The following ABHD5 variants were observed in gnomAD, a reference collection of about 807,000 sequenced individuals.
The protein encoded by ABHD5 is abhydrolase domain containing 5, lysophosphatidic acid acyltransferase.
A neutral mutation model predicts 44.9 loss-of-function variants in ABHD5; 30 were observed. That is an observed-to-expected ratio of 0.67 (90% CI 0.50 to 0.91). The LOEUF (loss-of-function observed/expected upper bound fraction) is 0.91, where lower values mean the gene tolerates loss of function less well. ABHD5 is among the 40% of genes least tolerant of loss of function. The probability of loss-of-function intolerance (pLI) is 0.00; values close to 1 mark genes in which losing one functional copy is unlikely to be tolerated. For synonymous variants in ABHD5, 167 were observed against 147.0 expected, an observed-to-expected ratio of 1.14 and a Z score of -0.99; for missense variants, 399 against 423.4, an observed-to-expected ratio of 0.94 and a Z score of 0.50.
chr3:43,707,148 G>C (rs2084631125), intron 3 of ABHD5, among the ~76,000 whole-genome samples: 1 of 151,998 alleles, frequency 6.6e-6, no homozygotes, highest in South Asian at 2.1e-4. Context: ...GGCCCCTGCT[G>C]CTCAGTACCC....
intron 7 of ABHD5, among the ~76,000 whole-genome samples, chr3:43,732,925 T>A (rs1331548581): frequency 6.6e-6 from 1 of 152,168 alleles, no homozygotes. Context: ...AGCTGATGGA[T>A]TGAGGGCCGT....
intron 3 of ABHD5, among the ~76,000 whole-genome samples, chr3:43,707,087 G>A (rs1033714968): frequency 4.6e-5 from 7 of 152,060 alleles, no homozygotes; most frequent in African/African-American, 7.2e-5. Flanking sequence ...GATTACAGGC[G>A]TGAGCCACTG....
At position 43,721,899 on chromosome 3, in the gene ABHD5, A is replaced by C. The variant is rs1045042596; in HGVS notation, c.*3367A>C. The C allele has an allele frequency of 6.6e-6, 1 of 152,228 alleles. No homozygotes were observed. The highest frequency in any genetic ancestry group is 2.1e-4 in the South Asian group (1 of 4,836). 9.4% of individuals were successfully genotyped at this position (152,228 alleles called of 1,614,324 possible). ...TGCATAAAAAGACAAATGCAAAATA[A>C]AATAAAATAATGGAAATACCTTTCT... On this transcript the variant is annotated 3_prime_UTR_variant, in exon 7 of 7. Transcript: ENST00000644371.
chr3:43,730,786 A>G (rs1389104436), intron 7 of ABHD5, among the ~76,000 whole-genome samples: 1 of 152,096 alleles, frequency 6.6e-6, no homozygotes, highest in African/African-American at 2.4e-5. Context: ...GATTGCAGGC[A>G]TGAGCCACTG....
rs138400599 is a variant in ABHD5, at chr3:43,691,003, A to C, written c.11A>C (p.Glu4Ala). Residue 4 changes from glutamate (E) to alanine (A), a missense_variant, in exon 1 of 7, where the codon GAG becomes GCG. Glu to Ala is a moderately radical substitution (Grantham distance 107). Coordinates refer to ENST00000644371, the MANE Select transcript of ABHD5 (RefSeq NM_016006.6). MAA[E>A]EEEVDSADTG... is the part of the protein sequence containing the mutation. ...TGCGCGGCGGCGGCTATGGCGGCGG[A>C]GGAGGAGGAGGTGGACTCTGCCGAC... 2.1e-4 allele frequency: 327 copies of C among 1,561,020 alleles called. No homozygotes were observed. In the African/African-American group the frequency reaches 2.7e-3, roughly 13 times the overall value.
chr3:43,730,888 G>A (rs894722459), intron 7 of ABHD5, among the ~76,000 whole-genome samples: 3 of 151,806 alleles, frequency 2.0e-5, no homozygotes, highest in Non-Finnish European at 2.9e-5. Flanking sequence ...GAGTGCAGTG[G>A]AGCAATCTTG....
chr3:43,719,094 GATCACTATC>G lies in ABHD5; in HGVS notation c.*565_*573del, dbSNP rs2084804212. 2 of 156,912 alleles carry G rather than the reference GATCACTATC, an allele frequency of 1.3e-5. No homozygotes were observed. Among genetic ancestry groups the G allele is most frequent in the African/African-American group, 4.8e-5 (2 of 41,468 alleles). 9.7% of individuals were successfully genotyped at this position (156,912 alleles called of 1,614,324 possible). ...GATTTTTGGTTAGAGGACGGGAGTTGATCACTATCATTACTTTTTCTAGTTTACCTGTTT... is the reference window on the plus strand; with the variant it reads ...GATTTTTGGTTAGAGGACGGGAGTTGATTACTTTTTCTAGTTTACCTGTTT... On this transcript the variant is annotated 3_prime_UTR_variant, in exon 7 of 7. Coordinates refer to ENST00000644371, the MANE Select transcript of ABHD5 (RefSeq NM_016006.6).
chr3:43,732,203 G>T (rs1309981096), intron 7 of ABHD5, among the ~76,000 whole-genome samples: 1 of 152,140 alleles, frequency 6.6e-6, no homozygotes, highest in African/African-American at 2.4e-5. Flanking sequence ...GGCCGAGGTG[G>T]GTGGATAACT....
rs1419462889 is a variant in ABHD5 at position 43,702,413 on chromosome 3, G to A, written c.332G>A (p.Gly111Asp). The A allele has an allele frequency of 8.1e-6, 13 of 1,614,084 alleles. No individual in the cohort carries two copies. Among genetic ancestry groups the A allele is most frequent in the East Asian group, 2.2e-5 (1 of 44,888 alleles). ...CCTGTCTATGCTTTTGACCTATTGG[G>A]TTTTGGACGAAGTAGTAGACCCAGG... ...NRPVYAFDLLGFGRSSRPRFD... is the reference protein window; with the variant it reads ...NRPVYAFDLLDFGRSSRPRFD... Residue 111 changes from glycine to aspartate, a missense_variant, in exon 3 of 7, where the codon GGT (glycine) becomes GAT (aspartate). Gly to Asp is a moderately conservative substitution (Grantham distance 94). Transcript: ENST00000644371.
intron 7 of ABHD5, among the ~76,000 whole-genome samples, chr3:43,730,454 T>G (rs983925081): frequency 2.6e-5 from 4 of 152,000 alleles, no homozygotes; most frequent in Non-Finnish European, 5.9e-5. Flanking sequence ...AAAGAGAGAC[T>G]TTAAGGTTTT....
At chr3:43,701,260 C>T (rs550600877) in intron 2 of ABHD5, among the ~76,000 whole-genome samples, 1 of 152,280 alleles carries the variant, frequency 6.6e-6, no homozygotes, top group South Asian at 2.1e-4. Flanking sequence ...AGTGGTATTT[C>T]CCCCAACTTG....
chr3:43,699,012 C>T (rs1336886813), intron 1 of ABHD5, among the ~76,000 whole-genome samples: 1 of 152,094 alleles, frequency 6.6e-6, no homozygotes, highest in Non-Finnish European at 1.5e-5. Flanking sequence ...CCATTTTATC[C>T]TCTTTTTGCT....
At chr3:43,717,981 C>A (rs1052660707) in intron 6 of ABHD5, 124 bp downstream of exon 6, 1 of 1,260,462 alleles carries the variant, frequency 7.9e-7, no homozygotes, top group Non-Finnish European at 1.1e-6. Context: ...CAGCCTCAGT[C>A]GGGGACGTGA....
chr3:43,723,627 A>G (rs530140310), downstream of ABHD5, among the ~76,000 whole-genome samples: 7 of 152,346 alleles, frequency 4.6e-5, no homozygotes, highest in Non-Finnish European at 8.8e-5. Context: ...AATCTAATCA[A>G]GCCTCTACAT....
rs900560274 is a variant in ABHD5, at chr3:43,730,105, G to A, written c.*30-3775G>A. Among the ~76,000 whole-genome samples the A allele has an allele frequency of 5.6e-4, 85 of 152,320 alleles. 1 individual carries two copies. The highest frequency in any genetic ancestry group is 1.0e-3 in the Admixed American group (16 of 15,298). On this transcript the variant is annotated intron_variant, in intron 7 of 7. Transcript: ENST00000454293. ...ACACTTATTGCATGCTTTGAGCTTT[G>A]CAACAATCTTTCATTTAATCCTTCT...
At chr3:43,703,696 T>G (rs930984451) in intron 3 of ABHD5, among the ~76,000 whole-genome samples, 12 of 152,190 alleles carry the variant, frequency 7.9e-5, no homozygotes, top group African/African-American at 2.9e-4. Flanking sequence ...ATTTTGACTT[T>G]GAGGTCCGTG....
In ABHD5 at chr3:43,717,737, A is replaced by C. The variant is rs753292128; in HGVS notation, c.840A>C (p.Arg280=). 6.2e-7 allele frequency: 1 copy of C among 1,614,214 alleles called. No individual in the cohort carries two copies. The part of the protein sequence containing the change: ...YGWAKRPMLQ[R]IGKMHPDIPV... ...GGGCAAAAAGGCCAATGCTCCAGCG[A>C]ATTGGTAAAATGCACCCTGACATTC... Residue 280 remains arginine (R), a synonymous_variant, in exon 6 of 7, where the codon CGA becomes CGC. Transcript: ENST00000644371.
chr3:43,732,947 G>C lies in ABHD5; in HGVS notation c.*30-933G>C, dbSNP rs141853936. 3.7e-3 allele frequency among the ~76,000 whole-genome samples: 560 copies of C among 152,302 alleles called. 3 individuals carry two copies. Among genetic ancestry groups the C allele is most frequent in the Non-Finnish European group, 6.6e-3 (448 of 68,028 alleles). ...GGATTGAGGGCCGTAGTTGGTAGCT[G>C]TCCATCTGCTGAAGGCCACCTTCAG... On this transcript the variant is annotated intron_variant, in intron 7 of 7. Transcript: ENST00000454293.
intron 6 of ABHD5, 32 bp downstream of exon 6, chr3:43,717,889 T>C: frequency 1.2e-6 from 2 of 1,613,536 alleles, no homozygotes; most frequent in African/African-American, 1.3e-5. Context: ...GGTTTTTAGG[T>C]ATAGGTGAGG....
Sources: allele counts gnomAD v4.1 joint callset (sites outside exome capture counted in the v4.1 genomes callset), GRCh38; gene constraint gnomAD v4.1.1; transcripts MANE v1.5; gene names NCBI Gene and HGNC (gene_info 2026-07-23, HGNC 2026-07-21).